GALK2: variants seen among roughly 807,000 people sequenced by gnomAD.
The protein encoded by GALK2 is N-acetylgalactosamine kinase.
In GALK2, 36 loss-of-function variants were observed where a neutral mutation model predicts 52.4. That is an observed-to-expected ratio of 0.69 (90% confidence interval 0.53 to 0.91). The LOEUF is 0.91. Ranked by LOEUF, GALK2 falls within the 40% of genes least tolerant of loss-of-function variation. The pLI, the probability that GALK2 is intolerant of heterozygous loss-of-function variation, is 0.00. For missense variants in GALK2, 579 were observed against 559.1 expected (o/e 1.04, Z -0.36); for synonymous variants, 176 against 199.1 (o/e 0.88, Z 0.98).
At chr15:49,170,480 G>A in intron 1 of GALK2, 105 bp downstream of exon 1, 2 of 1,134,260 alleles carry the variant, frequency 1.8e-6, no homozygotes, top group East Asian at 2.6e-5. Context: ...TTTGGTCCCG[G>A]GGAGCAAGTG....
Position 49,319,606 on chromosome 15 carries a change from C to T in GALK2, c.970C>T (p.Leu324Phe). 4 of 1,614,058 alleles carry T rather than the reference C, an allele frequency of 2.5e-6. No individual in the cohort carries two copies. Among genetic ancestry groups the T allele is most frequent in the Non-Finnish European group, 3.4e-6 (4 of 1,179,944 alleles). The change falls in exon 9 of 10, where the codon CTC becomes TTC. Residue 324 changes from leucine (L) to phenylalanine (F), a missense_variant and splice_region_variant. Leu to Phe is a conservative substitution (Grantham distance 22). Transcript: ENST00000560031. ...QILSPNTQDV[L>F]IFKLYQRAKH... ...TCCCCATCCTCTTCCTTCCTCAGTG[C>T]TCATCTTCAAACTCTATCAGCGGGC...
intron 1 of GALK2, among the ~76,000 whole-genome samples, chr15:49,181,446 C>T (rs2085961053): frequency 6.6e-6 from 1 of 150,558 alleles, no homozygotes; most frequent in Non-Finnish European, 1.5e-5. Context: ...TATTCATCTC[C>T]TTTCAAAGAG....
chr15:49,308,814 G>A (rs562766823), intron 8 of GALK2, among the ~76,000 whole-genome samples: 1 of 152,208 alleles, frequency 6.6e-6, no homozygotes, highest in Non-Finnish European at 1.5e-5. Context: ...GTTGGAACTT[G>A]GAAGGTTGCT....
At chr15:49,187,172 A>C (rs1179578691) in intron 1 of GALK2, among the ~76,000 whole-genome samples, 1 of 152,178 alleles carries the variant, frequency 6.6e-6, no homozygotes, top group South Asian at 2.1e-4. Context: ...ACCCAGTAAC[A>C]CTGTGTCTCT....
At chr15:49,191,148 T>A (rs571245528) in intron 1 of GALK2, among the ~76,000 whole-genome samples, 1 of 152,140 alleles carries the variant, frequency 6.6e-6, no homozygotes, top group Non-Finnish European at 1.5e-5. Context: ...GAACAAAAAG[T>A]GGATCGGTCA....
At chr15:49,352,580 T>A (rs1356087282) in intron 3 of GALK2, among the ~76,000 whole-genome samples, 1 of 152,166 alleles carries the variant, frequency 6.6e-6, no homozygotes, top group Admixed American at 6.5e-5. Context: ...CCATATGTAT[T>A]TTCCTATTCT....
At chr15:49,248,968 G>A (rs2091474575) in intron 5 of GALK2, among the ~76,000 whole-genome samples, 1 of 152,128 alleles carries the variant, frequency 6.6e-6, no homozygotes, top group Non-Finnish European at 1.5e-5. Context: ...TTGAACTTTT[G>A]TTGTGATCCT....
chr15:49,213,499 C>G (rs964322501), intron 2 of GALK2, among the ~76,000 whole-genome samples: 8 of 152,112 alleles, frequency 5.3e-5, no homozygotes, highest in African/African-American at 1.9e-4. Flanking sequence ...TCCTAATGCT[C>G]TTCCTCCCCT....
intron 8 of GALK2, among the ~76,000 whole-genome samples, chr15:49,314,686 T>A (rs2036259630): frequency 6.6e-6 from 1 of 152,238 alleles, no homozygotes; most frequent in African/African-American, 2.4e-5. Context: ...GGAGCTGAGC[T>A]TCCATTGGTG....
At chr15:49,186,949 A>C (rs763397890) in intron 1 of GALK2, among the ~76,000 whole-genome samples, 21 of 151,994 alleles carry the variant, frequency 1.4e-4, no homozygotes, top group Non-Finnish European at 2.9e-4. Context: ...CATTTAGTTG[A>C]TTTGGTGATG....
intron 5 of GALK2, among the ~76,000 whole-genome samples, chr15:49,243,857 T>C (rs536990577): frequency 6.6e-6 from 1 of 151,982 alleles, no homozygotes; most frequent in African/African-American, 2.4e-5. Flanking sequence ...GCATGGTGGC[T>C]CATGCCTGCA....
chr15:49,275,522 A>G (rs540603114), intron 5 of GALK2, among the ~76,000 whole-genome samples: 1 of 152,270 alleles, frequency 6.6e-6, no homozygotes, highest in African/African-American at 2.4e-5. Context: ...CTTGACTTGC[A>G]CTTATGGCAG....
At chr15:49,334,732 C>G (rs1350871979), downstream of GALK2, among the ~76,000 whole-genome samples, 1 of 152,140 alleles carries the variant, frequency 6.6e-6, no homozygotes, top group Non-Finnish European at 1.5e-5. Flanking sequence ...ATTTACTTCT[C>G]TTGGAGGTGC....
intron 5 of GALK2, among the ~76,000 whole-genome samples, chr15:49,251,045 C>T (rs148186823): frequency 4.7e-4 from 72 of 152,210 alleles, no homozygotes; most frequent in Non-Finnish European, 8.8e-4. Context: ...AGAACACTTC[C>T]CAACTTGTAT....
At chr15:49,162,716 A>G (rs1370375747) in intron 1 of GALK2, among the ~76,000 whole-genome samples, 1 of 152,222 alleles carries the variant, frequency 6.6e-6, no homozygotes, top group Admixed American at 6.5e-5. Context: ...GCAAGTGCCC[A>G]TGTTGGGAAG....
At chr15:49,185,800 C>T (rs1446102202) in intron 1 of GALK2, 1 of 152,162 alleles carries the variant, frequency 6.6e-6, no homozygotes, top group African/African-American at 2.4e-5. Flanking sequence ...TGTCTGCTGT[C>T]AGTGATAGCA....
chr15:49,212,606 A>G (rs1031292155), intron 2 of GALK2, among the ~76,000 whole-genome samples: 1 of 151,874 alleles, frequency 6.6e-6, no homozygotes, highest in African/African-American at 2.4e-5. Context: ...TGCTTATTTG[A>G]CATATTTCTA....
intron 6 of GALK2, among the ~76,000 whole-genome samples, chr15:49,282,470 A>G (rs2032840583): frequency 6.6e-6 from 1 of 152,064 alleles, no homozygotes; most frequent in Non-Finnish European, 1.5e-5. Flanking sequence ...TTGGTTTTAA[A>G]CCCAAATCAT....
chr15:49,357,939 A>T (rs2043460809), intron 3 of GALK2, among the ~76,000 whole-genome samples: 1 of 152,052 alleles, frequency 6.6e-6, no homozygotes, highest in African/African-American at 2.4e-5. Flanking sequence ...CAATATACAC[A>T]AATCAATAAA....
Sources: gnomAD v4.1 joint callset for allele counts (sites outside exome capture counted in the v4.1 genomes callset) on GRCh38, gnomAD v4.1.1 for gene constraint, MANE v1.5 for transcripts, NCBI Gene and HGNC (gene_info 2026-07-23, HGNC 2026-07-21) for gene names.